Variants in NCOR1 observed in about 807,000 individuals in gnomAD.
NCOR1 encodes the protein protein phosphatase 1, regulatory subunit 109.
A neutral mutation model predicts 288.1 loss-of-function variants in NCOR1; 63 were observed. The ratio of observed to expected loss-of-function variants is 0.22; its 90% CI spans 0.18 to 0.27. The LOEUF (loss-of-function observed/expected upper bound fraction) is 0.27, where lower values mean the gene tolerates loss of function less well. NCOR1 is among the 10% of genes least tolerant of loss of function. NCOR1 has a pLI of 1.00. For missense variants in NCOR1, 2,397 were observed against 3,019.2 expected (o/e 0.79, Z 4.83); for synonymous variants, 1,007 against 1,065.9 (o/e 0.94, Z 1.08).
chr17:16,092,014 G>C lies in NCOR1; in HGVS notation c.2865C>G (p.Ser955Arg). 6.2e-7 allele frequency: 1 copy of C among 1,614,092 alleles called. No homozygotes were observed. Among genetic ancestry groups the C allele is most frequent in the Non-Finnish European group, 8.5e-7 (1 of 1,180,024 alleles). The change falls in exon 22 of 46, where the codon AGC becomes AGG. Residue 955 changes from serine (S) to arginine (R), a missense_variant. Physicochemically the swap from Ser to Arg is moderately radical, Grantham distance 110. Transcript: ENST00000268712. Reference protein sequence around the residue: ...PCNIPIGTPVSGYALYQRHIK... With the variant: ...PCNIPIGTPVRGYALYQRHIK... ...TGTGTCGCTGGTAGAGAGCATAGCCGCTCACTGGGGTTCCAATTGGTATGT... is the reference window on the plus strand; with the variant it reads ...TGTGTCGCTGGTAGAGAGCATAGCCCCTCACTGGGGTTCCAATTGGTATGT...
intron 2 of NCOR1, 24 bp from the exon 3 acceptor site, chr17:16,186,711 C>T (rs2086738179): frequency 3.1e-6 from 5 of 1,602,230 alleles, no homozygotes; most frequent in East Asian, 2.2e-5. Flanking sequence ...AATCATAAAT[C>T]AATTATTAAC....
At chr17:16,111,104 G>A (rs868225016) in intron 18 of NCOR1, among the ~76,000 whole-genome samples, 1 of 152,160 alleles carries the variant, frequency 6.6e-6, no homozygotes, top group African/African-American at 2.4e-5. Flanking sequence ...CCAGAGCCCA[G>A]TGTATGTCCC....
chr17:16,050,628 G>C (rs1361687271), intron 40 of NCOR1, among the ~76,000 whole-genome samples: 4 of 152,248 alleles, frequency 2.6e-5, no homozygotes, highest in Middle Eastern at 3.4e-3. Context: ...AATATGATTT[G>C]TTATGGCCTT....
At chr17:16,112,310 C>T (rs2070437298) in intron 18 of NCOR1, among the ~76,000 whole-genome samples, 3 of 152,108 alleles carry the variant, frequency 2.0e-5, no homozygotes, top group Non-Finnish European at 4.4e-5. Flanking sequence ...ATATTTTTAA[C>T]TCTCACATTC....
rs555096677 is a variant in NCOR1, at chr17:16,170,796, G to A, written c.435+1007C>T. On this transcript the variant is annotated intron_variant, in intron 4 of 45. Coordinates refer to ENST00000268712, the MANE Select transcript of NCOR1 (RefSeq NM_006311.4). ...GCGGAGATTGCAGTGAGCCAAGATC[G>A]CGCCACTGCACTCCAGCCTGGGGTA... Among the ~76,000 whole-genome samples, 1,090 of 150,016 alleles carry A rather than the reference G, an allele frequency of 7.3e-3. 14 individuals are homozygous for A. The highest frequency in any genetic ancestry group is 0.026 in the African/African-American group (1,041 of 40,784).
chr17:16,202,519 T>C (rs547528544), intron 1 of NCOR1, among the ~76,000 whole-genome samples: 2 of 152,272 alleles, frequency 1.3e-5, no homozygotes, highest in African/African-American at 2.4e-5. Flanking sequence ...AATTTTAATG[T>C]AGATATTTGG....
At chr17:16,175,526 A>G (rs375647860) in intron 3 of NCOR1, among the ~76,000 whole-genome samples, 3 of 152,348 alleles carry the variant, frequency 2.0e-5, no homozygotes, top group East Asian at 3.9e-4. Context: ...TTCGAACTTT[A>G]AAGAATTTTA....
chr17:16,065,379 T>C, intron 33 of NCOR1, 106 bp downstream of exon 33: 1 of 1,235,518 alleles, frequency 8.1e-7, no homozygotes, highest in Non-Finnish European at 1.1e-6. Flanking sequence ...AGTATTCTTT[T>C]CTTTCTTTCT....
At chr17:16,071,008 C>T (rs1304596938) in intron 30 of NCOR1, among the ~76,000 whole-genome samples, 2 of 151,586 alleles carry the variant, frequency 1.3e-5, no homozygotes, top group African/African-American at 4.9e-5. Flanking sequence ...AGGCCAAGCA[C>T]AGTGGCTCAC....
intron 14 of NCOR1, among the ~76,000 whole-genome samples, chr17:16,134,525 T>C (rs1163199094): frequency 6.6e-6 from 1 of 152,162 alleles, no homozygotes; most frequent in Non-Finnish European, 1.5e-5. Flanking sequence ...CTTTGAAACA[T>C]GCAACAAGAA....
intron 14 of NCOR1, among the ~76,000 whole-genome samples, chr17:16,134,021 C>G (rs1363412873): frequency 6.6e-6 from 1 of 152,202 alleles, no homozygotes; most frequent in African/African-American, 2.4e-5. Flanking sequence ...TGTCTCCTTA[C>G]AAACTATTCT....
chr17:16,065,662 A>C lies in NCOR1; in HGVS notation c.4774T>G (p.Ser1592Ala). The C allele has an allele frequency of 6.2e-7, 1 of 1,614,220 alleles. No individual in the cohort carries two copies. The highest frequency in any genetic ancestry group is 1.6e-4 in the Middle Eastern group (1 of 6,062). The change falls in exon 33 of 46, where the codon TCA (serine) becomes GCA (alanine). Residue 1592 changes from serine to alanine, a missense_variant. Physicochemically the swap from Ser to Ala is moderately conservative, Grantham distance 99. This residue lies in a region of NCOR1 where 1,872 missense variants were observed against 2,187.8 expected (regional missense o/e 0.86). Coordinates refer to ENST00000268712, the MANE Select transcript of NCOR1 (RefSeq NM_006311.4). ...AAAYLFQRQL[S>A]PTPGYPSQYQ... ...TGACTTGGGTAACCTGGAGTTGGTG[A>C]AAGCTGTCTCTGAAACAGGTAAGCA...
Position 16,064,966 on chromosome 17 carries a change from C to T in NCOR1, c.5005G>A (p.Gly1669Arg), listed in dbSNP as rs367640202. 6.2e-7 allele frequency: 1 copy of T among 1,613,892 alleles called. No individual in the cohort carries two copies. Among genetic ancestry groups the T allele is most frequent in the Non-Finnish European group, 8.5e-7 (1 of 1,179,840 alleles). Residue 1669 changes from glycine to arginine, a missense_variant, in exon 34 of 46, where the codon GGA becomes AGA. By Grantham distance (125) the Gly-to-Arg change is moderately radical. Coordinates refer to ENST00000268712, the MANE Select transcript of NCOR1 (RefSeq NM_006311.4). Reference sequence around the variant, plus strand: ...CTGTCCATGGGAGGAGTGCTTGTTCCCCCTGGATGAGGCACTAAAATTGTT... The same window carrying T: ...CTGTCCATGGGAGGAGTGCTTGTTCTCCCTGGATGAGGCACTAAAATTGTT... ...PPTILVPHPG[G>R]TSTPPMDRIT...
intron 2 of NCOR1, among the ~76,000 whole-genome samples, chr17:16,190,841 G>C (rs178814): frequency 0.58 from 87,749 of 152,118 alleles, 25,891 homozygotes; most frequent in African/African-American, 0.66. Flanking sequence ...ATAGGCAGCA[G>C]AGGGCTTGAT....
chr17:16,060,738 T>C (rs2060465977), intron 37 of NCOR1, among the ~76,000 whole-genome samples: 1 of 152,228 alleles, frequency 6.6e-6, no homozygotes, highest in African/African-American at 2.4e-5. Context: ...TTATATATGA[T>C]TAAATTACTT....
chr17:16,166,943 T>C (rs2082129882), intron 4 of NCOR1, among the ~76,000 whole-genome samples: 1 of 152,184 alleles, frequency 6.6e-6, no homozygotes, highest in Non-Finnish European at 1.5e-5. Context: ...GTGAAGCCTT[T>C]CTCTTTCATT....
At chr17:16,047,649 T>G (rs561494881) in intron 41 of NCOR1, among the ~76,000 whole-genome samples, 1 of 152,152 alleles carries the variant, frequency 6.6e-6, no homozygotes, top group Non-Finnish European at 1.5e-5. Context: ...GAGTTTAATA[T>G]AAAGAGTTTC....
At chr17:16,066,623 C>T (rs562808434) in intron 32 of NCOR1, among the ~76,000 whole-genome samples, 1 of 152,220 alleles carries the variant, frequency 6.6e-6, no homozygotes, top group African/African-American at 2.4e-5. Flanking sequence ...AACATGTTTT[C>T]TGGAATATTT....
At chr17:16,208,035 CTTT>C (rs71150278) in intron 1 of NCOR1, among the ~76,000 whole-genome samples, 7 of 72,568 alleles carry the variant, frequency 9.6e-5, no homozygotes, top group Non-Finnish European at 1.7e-4. Context: ...ATATTTCTTT[CTTT>C]TTTTTTTTTT....
Sources: gnomAD v4.1 joint callset for allele counts (sites outside exome capture counted in the v4.1 genomes callset) on GRCh38, gnomAD v4.1.1 for gene constraint, gnomAD v4.1.1 regional missense constraint, MANE v1.5 for transcripts, NCBI Gene and HGNC (gene_info 2026-07-23, HGNC 2026-07-21) for gene names.